DMD: variants seen among roughly 807,000 people sequenced by gnomAD.
The protein encoded by DMD is dystrophin.
Under a neutral mutation model 330.1 loss-of-function variants are expected in DMD, and 63 were observed. That is an observed-to-expected ratio of 0.19 (90% confidence interval 0.16 to 0.24). The LOEUF (loss-of-function observed/expected upper bound fraction) is 0.24. Among genes scored for constraint, DMD ranks in the 10% least tolerant of loss-of-function variants. The pLI is 1.00. For missense variants in DMD, 3,344 were observed against 2,684.1 expected (o/e 1.25, Z -5.43); for synonymous variants, 1,223 against 959.8 (o/e 1.27, Z -5.07).
At chrX:33,314,643 T>C (rs1191792061) in intron 1 of DMD, among the ~76,000 whole-genome samples, 1 of 101,520 alleles carries the variant, frequency 9.9e-6, no homozygotes, top group Non-Finnish European at 2.0e-5. Flanking sequence ...CTGTTCATTC[T>C]GGAGACTCTA....
At position 31,433,368 on chromosome X, in the gene DMD, C is replaced by T. The variant is rs767374803; in HGVS notation, c.9084+11113G>A. On this transcript the variant is annotated intron_variant, in intron 60 of 78. Coordinates refer to ENST00000357033, the MANE Select transcript of DMD (RefSeq NM_004006.3). ...GTGCTGCAATGAACATATGAGCGCA[C>T]GTCTTTTTGGTAGAAAAATTTATAT... is the stretch of plus-strand genomic sequence containing the variant. Among the ~76,000 whole-genome samples the T allele has an allele frequency of 1.3e-4, 15 of 111,303 alleles. No individual in the cohort carries two copies. In the South Asian group the frequency reaches 1.5e-3, roughly 11 times the overall value.
intron 50 of DMD, among the ~76,000 whole-genome samples, chrX:31,804,957 G>A (rs773125748): frequency 3.7e-5 from 4 of 108,834 alleles, no homozygotes; most frequent in Admixed American, 3.0e-4. Flanking sequence ...TATTTGTCAC[G>A]TACAGTTATT....
intron 60 of DMD, among the ~76,000 whole-genome samples, chrX:31,408,711 TTTTTGTTTTGTTTTG>T (rs201114840): frequency 7.1e-4 from 78 of 109,313 alleles, no homozygotes; most frequent in African/African-American, 2.5e-3. Flanking sequence ...TTTGAACTTT[TTTTTGTTTTGTTTTG>T]TTTTGTTTTG....
intron 4 of DMD, among the ~76,000 whole-genome samples, chrX:32,839,121 C>A (rs2079923290): frequency 9.0e-6 from 1 of 111,353 alleles, no homozygotes; most frequent in Non-Finnish European, 1.9e-5. Context: ...CAAATGCCAA[C>A]AATGGCTCAC....
chrX:32,823,611 T>G (rs916823407), intron 4 of DMD, among the ~76,000 whole-genome samples: 3 of 111,764 alleles, frequency 2.7e-5, no homozygotes, highest in Admixed American at 9.5e-5. Flanking sequence ...CATGAATAGA[T>G]TACTGCAGAT....
chrX:31,803,285 G>A (rs945009210), intron 50 of DMD, among the ~76,000 whole-genome samples: 3 of 112,310 alleles, frequency 2.7e-5, no homozygotes, highest in Non-Finnish European at 1.9e-5. Flanking sequence ...ACACAGGGCT[G>A]TCCACTGCAG....
intron 2 of DMD, among the ~76,000 whole-genome samples, chrX:32,923,204 A>T (rs1379786220): frequency 9.0e-6 from 1 of 111,440 alleles, no homozygotes; most frequent in Non-Finnish European, 1.9e-5. Flanking sequence ...ATTTTAAGTG[A>T]TCAAAATATG....
intron 55 of DMD, among the ~76,000 whole-genome samples, chrX:31,521,665 C>G (rs1373645934): frequency 8.9e-6 from 1 of 112,078 alleles, no homozygotes; most frequent in Admixed American, 9.5e-5. Flanking sequence ...ATCCACCCTT[C>G]TAAGGCAGGG....
chrX:31,313,154 C>A (rs1397278367), intron 62 of DMD, among the ~76,000 whole-genome samples: 1 of 101,225 alleles, frequency 9.9e-6, no homozygotes, highest in East Asian at 3.1e-4. Context: ...CAGAATCAAA[C>A]ATTTTAAAAA....
chrX:31,193,728 T>C (rs1405075061), intron 67 of DMD, among the ~76,000 whole-genome samples: 3 of 111,781 alleles, frequency 2.7e-5, no homozygotes, highest in Non-Finnish European at 3.8e-5. Flanking sequence ...AACAAAATGT[T>C]ATTTTGTTCC....
intron 55 of DMD, among the ~76,000 whole-genome samples, chrX:31,574,959 T>C (rs1248242921): frequency 8.9e-6 from 1 of 111,960 alleles, no homozygotes; most frequent in Non-Finnish European, 1.9e-5. Flanking sequence ...ACAAAATATA[T>C]ATTCGGTATC....
intron 60 of DMD, among the ~76,000 whole-genome samples, chrX:31,372,193 C>T (rs777846657): frequency 9.0e-6 from 1 of 111,591 alleles, no homozygotes; most frequent in Non-Finnish European, 1.9e-5. Flanking sequence ...TGGCACACAG[C>T]AGGAGTTTTG....
At chrX:32,944,387 T>G (rs939320394) in intron 2 of DMD, among the ~76,000 whole-genome samples, 1 of 111,843 alleles carries the variant, frequency 8.9e-6, no homozygotes, top group African/African-American at 3.3e-5. Flanking sequence ...TCTTTGGGCT[T>G]CTTAAGCTTA....
intron 21 of DMD, among the ~76,000 whole-genome samples, chrX:32,480,656 TGTGTACATATACG>T (rs1161463153): frequency 2.7e-5 from 3 of 111,140 alleles, no homozygotes; most frequent in African/African-American, 9.8e-5. Context: ...ACACACAACT[TGTGTACATATACG>T]TATATGTACA....
intron 75 of DMD, 77 bp downstream of exon 75, chrX:31,147,198 A>G: frequency 8.4e-7 from 1 of 1,188,516 alleles, no homozygotes; most frequent in African/African-American, 1.7e-5. Flanking sequence ...TTGCACCTAT[A>G]AAAAGTGCTC....
intron 2 of DMD, among the ~76,000 whole-genome samples, chrX:32,922,843 A>G (rs1213112327): frequency 8.9e-6 from 1 of 112,300 alleles, no homozygotes; most frequent in Non-Finnish European, 1.9e-5. Context: ...TTTTTCTGTC[A>G]GTAAAATGGT....
chrX:31,507,360 C>T lies in DMD; in HGVS notation c.8311G>A (p.Asp2771Asn). Residue 2771 changes from aspartate to asparagine, a missense_variant, in exon 56 of 79, where the codon GAT becomes AAT. By Grantham distance (23) the Asp-to-Asn change is conservative (BLOSUM62 1). Transcript: ENST00000357033. ...KILRSLEGSDDAVLLQRRLDN... is the reference protein window; with the variant it reads ...KILRSLEGSDNAVLLQRRLDN... ...AAACGTCTTTGTAACAGGACTGCAT[C>T]ATCGGAACCTTCCAGGGATCTCAGG... 8.3e-7 allele frequency: 1 copy of T among 1,211,511 alleles called. No individual in the cohort carries two copies. Among genetic ancestry groups the T allele is most frequent in the Non-Finnish European group, 1.1e-6 (1 of 895,220 alleles).
chrX:31,424,661 A>G (rs372460944), intron 60 of DMD, among the ~76,000 whole-genome samples: 36 of 112,550 alleles, frequency 3.2e-4, no homozygotes, highest in Non-Finnish European at 1.5e-4. Flanking sequence ...AACAGAAGAT[A>G]TATTTGTCAC....
At chrX:32,598,798 G>A (rs1270481239) in intron 12 of DMD, among the ~76,000 whole-genome samples, 2 of 111,705 alleles carry the variant, frequency 1.8e-5, no homozygotes, top group African/African-American at 6.5e-5. Context: ...TATATTTTAT[G>A]CTTGGCAGAA....
Sources: gnomAD v4.1 joint callset for allele counts (sites outside exome capture counted in the v4.1 genomes callset) on GRCh38, gnomAD v4.1.1 for gene constraint, MANE v1.5 for transcripts, NCBI Gene and HGNC (gene_info 2026-07-23, HGNC 2026-07-21) for gene names.